ANXA8: variants seen among roughly 807,000 people sequenced by gnomAD.
ANXA8 encodes annexin A8, also known as VAC-beta.
ANXA8 carries 9 observed loss-of-function variants against 26.8 expected under a neutral mutation model. The observed-to-expected ratio is 0.34, with a 90% CI of 0.20 to 0.59. The LOEUF (loss-of-function observed/expected upper bound fraction) is 0.59. Among genes scored for constraint, ANXA8 ranks in the 20% least tolerant of loss-of-function variants. The probability of loss-of-function intolerance (pLI) is 0.84; values close to 1 mark genes in which losing one functional copy is unlikely to be tolerated. For missense variants in ANXA8, 83 were observed against 238.5 expected (o/e 0.35, Z 4.29); for synonymous variants, 39 against 94.8 (o/e 0.41, Z 3.42).
the ANXA8 span, among the ~76,000 whole-genome samples, chr10:47,958,973 C>A: frequency 6.7e-6 from 1 of 150,298 alleles, no homozygotes; most frequent in Non-Finnish European, 1.5e-5. Context: ...GGTGGGGACA[C>A]AGCCAAATCA....
chr10:47,888,726 C>A, the ANXA8 span, among the ~76,000 whole-genome samples: 4 of 11,468 alleles, frequency 3.5e-4, no homozygotes, highest in African/African-American at 1.3e-3. Flanking sequence ...GCAACCGCCA[C>A]TTCCTGGGCT....
At chr10:47,980,311 A>T in the ANXA8 span, among the ~76,000 whole-genome samples, 2 of 151,824 alleles carry the variant, frequency 1.3e-5, no homozygotes, top group South Asian at 2.1e-4. Flanking sequence ...GTAAATGCCT[A>T]TATTAAAAAG....
At chr10:47,587,298 CATTTTCTCACGATTTATAA>C in the ANXA8 span, among the ~76,000 whole-genome samples, 1 of 149,018 alleles carries the variant, frequency 6.7e-6, no homozygotes. Flanking sequence ...TGAGGATGCC[CATTTTCTCACGATTTATAA>C]ACTAACTCAT....
the ANXA8 span, among the ~76,000 whole-genome samples, chr10:47,497,629 AAAC>A: frequency 4.3e-4 from 60 of 139,600 alleles, no homozygotes; most frequent in South Asian, 3.2e-3. Context: ...CAAAAAAAAA[AAAC>A]AACAACAAAA....
At chr10:47,663,304 C>T in the ANXA8 span, among the ~76,000 whole-genome samples, 1 of 148,476 alleles carries the variant, frequency 6.7e-6, no homozygotes, top group Non-Finnish European at 1.5e-5. Flanking sequence ...TGGTGATTAT[C>T]AACTCAACCT....
the ANXA8 span, among the ~76,000 whole-genome samples, chr10:47,693,873 A>G: frequency 6.6e-6 from 1 of 151,958 alleles, no homozygotes. Context: ...TTTTTCTTTA[A>G]TTTGTTTCAT....
chr10:47,623,369 T>TA, the ANXA8 span, among the ~76,000 whole-genome samples: 2 of 112,654 alleles, frequency 1.8e-5, 1 homozygote, highest in Admixed American at 1.9e-4. Flanking sequence ...TAGGTTACTT[T>TA]AAAAAAATAT....
the ANXA8 span, among the ~76,000 whole-genome samples, chr10:47,583,956 G>T: frequency 8.9e-6 from 1 of 112,566 alleles, no homozygotes; most frequent in Admixed American, 8.7e-5. Context: ...GAGGCAGGCA[G>T]ATCCCTTGAG....
chr10:47,559,140 TAC>T, the ANXA8 span, among the ~76,000 whole-genome samples: 1 of 142,540 alleles, frequency 7.0e-6, no homozygotes, highest in Admixed American at 7.1e-5. Context: ...TTTGGAGTCT[TAC>T]TTTTTTTTTT....
chr10:47,650,310 G>T, the ANXA8 span, among the ~76,000 whole-genome samples: 5 of 144,898 alleles, frequency 3.5e-5, no homozygotes, highest in Non-Finnish European at 7.6e-5. Flanking sequence ...GCCTCCCAAA[G>T]TGCTGGGATT....
the ANXA8 span, among the ~76,000 whole-genome samples, chr10:47,960,254 C>T: frequency 1.4e-5 from 2 of 146,950 alleles, no homozygotes; most frequent in Middle Eastern, 3.5e-3. Context: ...ATAAATGTGT[C>T]CTCACTTGAT....
chr10:47,743,405 T>TGTGTGTGA, the ANXA8 span, among the ~76,000 whole-genome samples: 22 of 83,534 alleles, frequency 2.6e-4, no homozygotes, highest in East Asian at 1.7e-3. Flanking sequence ...TGTGTGTGTG[T>TGTGTGTGA]GAGAGAGAGA....
At chr10:47,702,660 G>T in the ANXA8 span, among the ~76,000 whole-genome samples, 1 of 151,560 alleles carries the variant, frequency 6.6e-6, no homozygotes, top group Admixed American at 6.6e-5. Context: ...TTGAGACAGG[G>T]TCTGGCTCTG....
chr10:47,689,258 C>A, the ANXA8 span, among the ~76,000 whole-genome samples: 2 of 151,614 alleles, frequency 1.3e-5, no homozygotes, highest in African/African-American at 4.8e-5. Flanking sequence ...AGGCTCACTG[C>A]AACCTCCGCC....
At chr10:47,775,451 T>G in the ANXA8 span, among the ~76,000 whole-genome samples, 2 of 144,904 alleles carry the variant, frequency 1.4e-5, no homozygotes, top group Non-Finnish European at 3.0e-5. Flanking sequence ...TAAACTCTTG[T>G]CCATGGACTT....
the ANXA8 span, among the ~76,000 whole-genome samples, chr10:47,718,001 A>G: frequency 5.7e-4 from 82 of 143,174 alleles, no homozygotes; most frequent in African/African-American, 2.1e-3. Flanking sequence ...CTGTCTCAAA[A>G]AAAAAAAAAA....
At chr10:47,498,805 A>G in the ANXA8 span, among the ~76,000 whole-genome samples, 499 of 107,180 alleles carry the variant, frequency 4.7e-3, no homozygotes, top group East Asian at 0.022. Context: ...TGCGGGCTTC[A>G]GCAGGGATGT....
chr10:47,947,516 T>G, the ANXA8 span, among the ~76,000 whole-genome samples: 2 of 149,822 alleles, frequency 1.3e-5, no homozygotes, highest in Admixed American at 6.6e-5. Context: ...CCTGTTGAAT[T>G]GTGGTCTTTA....
At chr10:47,615,327 G>T in the ANXA8 span, among the ~76,000 whole-genome samples, 4 of 71,474 alleles carry the variant, frequency 5.6e-5, 2 homozygotes, top group Non-Finnish European at 1.4e-4. Context: ...ATTGTTAAGA[G>T]AACAAAGTCA....
Sources: allele counts gnomAD v4.1 joint callset (sites outside exome capture counted in the v4.1 genomes callset), GRCh38; gene constraint gnomAD v4.1.1; transcripts MANE v1.5; gene names NCBI Gene and HGNC (gene_info 2026-07-23, HGNC 2026-07-21).